FAIM2: variants seen among roughly 807,000 people sequenced by gnomAD.
FAIM2 encodes protein lifeguard 2.
A neutral mutation model predicts 47.4 loss-of-function variants in FAIM2; 27 were observed. The ratio of observed to expected loss-of-function variants is 0.57; its 90% CI spans 0.42 to 0.78. The LOEUF (loss-of-function observed/expected upper bound fraction) is 0.78. Among genes scored for constraint, FAIM2 ranks in the 30% least tolerant of loss-of-function variants. The pLI is 0.00. For synonymous variants in FAIM2, 156 were observed against 159.3 expected (o/e 0.98, Z 0.16); for missense variants, 311 against 389.4 (o/e 0.80, Z 1.69).
At chr12:49,892,623 C>T (rs1219124656) in intron 5 of FAIM2, among the ~76,000 whole-genome samples, 1 of 152,102 alleles carries the variant, frequency 6.6e-6, no homozygotes, top group Non-Finnish European at 1.5e-5. Flanking sequence ...CTCCTACCTC[C>T]CTCACCACTC....
rs375472362 is a variant in FAIM2 at position 49,873,503 on chromosome 12, TA to T, written c.802-2851del. ...AGTCACAGCTGCCAGCATCAGTTCA[TA>T]AACTGCTGATCTGGCTGTTCAATCA... On this transcript the variant is annotated intron_variant, in intron 11 of 11. Transcript: ENST00000320634. Among the ~76,000 whole-genome samples the T allele has an allele frequency of 1.1e-4, 17 of 152,254 alleles. No individual in the cohort carries two copies. In the East Asian group the frequency reaches 3.3e-3, roughly 29 times the overall value.
chr12:49,903,701 C>A (rs1946996943), intron 1 of FAIM2, 77 bp downstream of exon 1: 2 of 1,534,328 alleles, frequency 1.3e-6, no homozygotes. Context: ...TTTCGTGGTC[C>A]AGAGGGCTTG....
At chr12:49,882,309 T>C (rs1008757543) in intron 11 of FAIM2, among the ~76,000 whole-genome samples, 2 of 151,610 alleles carry the variant, frequency 1.3e-5, no homozygotes, top group Non-Finnish European at 2.9e-5. Context: ...GACCACAGAG[T>C]CCGCAGGCCT....
Position 49,890,754 on chromosome 12 carries a change from G to A in FAIM2, c.486-32C>T, listed in dbSNP as rs189893783. On this transcript the variant is annotated intron_variant, in intron 6 of 11. Transcript: ENST00000320634. Reference sequence around the variant, plus strand: ...GGCAAGCCACAGAGTTCAGGGGATCGTAGGGGGTGGGGGCAGTGGACCCAG... The same window carrying A: ...GGCAAGCCACAGAGTTCAGGGGATCATAGGGGGTGGGGGCAGTGGACCCAG... The A allele has an allele frequency of 1.9e-4, 312 of 1,608,548 alleles. 3 individuals are homozygous for A. In the East Asian group the frequency reaches 4.1e-3, roughly 21 times the overall value.
chr12:49,895,785 G>A (rs1342578350), intron 5 of FAIM2, among the ~76,000 whole-genome samples: 1 of 152,142 alleles, frequency 6.6e-6, no homozygotes, highest in Non-Finnish European at 1.5e-5. Context: ...GGGGCTCTGG[G>A]CTGAGCCCAC....
intron 11 of FAIM2, among the ~76,000 whole-genome samples, chr12:49,882,136 C>T (rs1259506563): frequency 1.3e-5 from 2 of 152,210 alleles, no homozygotes; most frequent in Non-Finnish European, 2.9e-5. Flanking sequence ...GCCAGGGACA[C>T]CTGCATGCAG....
intron 11 of FAIM2, among the ~76,000 whole-genome samples, chr12:49,875,183 T>TA (rs1264986344): frequency 6.6e-6 from 1 of 152,162 alleles, no homozygotes; most frequent in African/African-American, 2.4e-5. Flanking sequence ...ATAGAAGGGT[T>TA]AAAATAGCAC....
intron 3 of FAIM2, 101 bp from the exon 4 acceptor site, chr12:49,897,684 T>C (rs1040351205): frequency 2.5e-6 from 2 of 809,590 alleles, no homozygotes; most frequent in South Asian, 3.4e-5. Flanking sequence ...TCCTGTGCAC[T>C]CCACCCTCCT....
intron 11 of FAIM2, among the ~76,000 whole-genome samples, chr12:49,885,443 CTT>C (rs894362967): frequency 1.3e-5 from 2 of 152,206 alleles, no homozygotes; most frequent in African/African-American, 4.8e-5. Context: ...TGGCCCTCCT[CTT>C]TCTCTCCTAG....
rs567051076 is a variant in FAIM2, at chr12:49,903,020, T to C, written c.15+758A>G. On this transcript the variant is annotated intron_variant, in intron 1 of 11. Coordinates refer to ENST00000320634, the MANE Select transcript of FAIM2 (RefSeq NM_012306.4). ...TCCTTCCCCTGTTTTCTCTGCCCAA[T>C]CCTTAGCAACCCAAACAGAGGGCCC... 6 of 151,676 alleles carry C rather than the reference T, an allele frequency of 4.0e-5. No homozygotes were observed. In the East Asian group the frequency reaches 9.8e-4, roughly 25 times the overall value. 9.4% of individuals were successfully genotyped at this position (151,676 alleles called of 1,614,324 possible). A position where few individuals can be genotyped will look rare whatever the true frequency, so the allele number is the denominator to read the frequency against.
chr12:49,895,190 C>T (rs1015601626), intron 5 of FAIM2, among the ~76,000 whole-genome samples: 2 of 152,136 alleles, frequency 1.3e-5, no homozygotes, highest in African/African-American at 4.8e-5. Context: ...CCACGCCCAC[C>T]TCCCACTTCT....
At position 49,866,951 on chromosome 12, in the gene FAIM2, G is replaced by T. The variant is rs1474181201; in HGVS notation, c.*3553C>A. The T allele has an allele frequency of 2.6e-5, 4 of 152,310 alleles. No homozygotes were observed. Among genetic ancestry groups the T allele is most frequent in the African/African-American group, 9.7e-5 (4 of 41,432 alleles). 9.4% of individuals were successfully genotyped at this position (152,310 alleles called of 1,614,324 possible). A position where few individuals can be genotyped will look rare whatever the true frequency, so the allele number is the denominator to read the frequency against. Reference sequence around the variant, plus strand: ...TCCAGTCAGTCACAGACCCCAGGAAGGTGAGGTCAGGGAAGGGAACAGGTG... The same window carrying T: ...TCCAGTCAGTCACAGACCCCAGGAATGTGAGGTCAGGGAAGGGAACAGGTG... On this transcript the variant is annotated 3_prime_UTR_variant, in exon 12 of 12. Transcript: ENST00000320634.
intron 11 of FAIM2, among the ~76,000 whole-genome samples, chr12:49,880,058 A>G (rs1406187058): frequency 7.1e-6 from 1 of 141,232 alleles, no homozygotes; most frequent in Non-Finnish European, 1.5e-5. Flanking sequence ...GTATATATGT[A>G]TTTATTTGTG....
chr12:49,889,397 C>T (rs1946883703), intron 9 of FAIM2, 84 bp downstream of exon 9: 7 of 1,313,424 alleles, frequency 5.3e-6, no homozygotes, highest in African/African-American at 1.5e-5. Flanking sequence ...AGCCCCAGGT[C>T]CGAGCTCTGA....
chr12:49,886,488 A>T (rs1310830548), intron 11 of FAIM2, among the ~76,000 whole-genome samples: 1 of 151,786 alleles, frequency 6.6e-6, no homozygotes, highest in Non-Finnish European at 1.5e-5. Flanking sequence ...TATTATTATT[A>T]TTTTTGAGAC....
chr12:49,890,956 G>C, intron 6 of FAIM2, 108 bp downstream of exon 6: 1 of 1,105,702 alleles, frequency 9.0e-7, no homozygotes, highest in Non-Finnish European at 1.4e-6. Flanking sequence ...GAGAGGGATG[G>C]GGCCCTCTCA....
intron 5 of FAIM2, among the ~76,000 whole-genome samples, chr12:49,895,863 C>G (rs1282741962): frequency 6.6e-6 from 1 of 152,220 alleles, no homozygotes; most frequent in African/African-American, 2.4e-5. Context: ...CTTGGCCAGG[C>G]AGTCAGAACC....
At position 49,890,173 on chromosome 12, in the gene FAIM2, T is replaced by A; in HGVS notation, c.526-19A>T. On this transcript the variant is annotated intron_variant, in intron 7 of 11. Coordinates refer to ENST00000320634, the MANE Select transcript of FAIM2 (RefSeq NM_012306.4). ...ACAGGGTCTGAAAGGAGAAGCAGGG[T>A]AAAGGAATGTTCCAAACTCAGACGC... 1 of 1,613,620 alleles carries A rather than the reference T, an allele frequency of 6.2e-7. No homozygotes were observed. The highest frequency in any genetic ancestry group is 8.5e-7 in the Non-Finnish European group (1 of 1,179,704).
At chr12:49,902,384 A>G (rs1592796721) in intron 1 of FAIM2, 1 of 152,372 alleles carries the variant, frequency 6.6e-6, no homozygotes, top group African/African-American at 2.4e-5. Flanking sequence ...ACTGAGGAAG[A>G]CTGCGGACTT....
Sources: gnomAD v4.1 joint callset for allele counts (sites outside exome capture counted in the v4.1 genomes callset) on GRCh38, gnomAD v4.1.1 for gene constraint, MANE v1.5 for transcripts, NCBI Gene and HGNC (gene_info 2026-07-23, HGNC 2026-07-21) for gene names.